The following TMEM117 variants were observed in gnomAD, a reference collection of about 807,000 sequenced individuals.
TMEM117 encodes the protein transmembrane protein 117.
Under a neutral mutation model 52.4 loss-of-function variants are expected in TMEM117, and 27 were observed. The observed-to-expected ratio is 0.51, with a 90% CI of 0.38 to 0.71. The LOEUF (loss-of-function observed/expected upper bound fraction) is 0.71. TMEM117 is among the 30% of genes least tolerant of loss of function. The pLI, the probability that TMEM117 is intolerant of heterozygous loss-of-function variation, is 0.00. For synonymous variants in TMEM117, 215 were observed against 206.3 expected, an observed-to-expected ratio of 1.04 and a Z score of -0.36; for missense variants, 556 against 630.5, an observed-to-expected ratio of 0.88 and a Z score of 1.26.
chr12:44,338,268 A>G (rs1261150487), intron 6 of TMEM117, among the ~76,000 whole-genome samples: 2 of 152,222 alleles, frequency 1.3e-5, no homozygotes, highest in Non-Finnish European at 2.9e-5. Context: ...TAAAAATGTT[A>G]ATAAATAAAT....
chr12:43,836,137 G>C lies in TMEM117; in HGVS notation c.-88G>C, dbSNP rs1943023187. On this transcript the variant is annotated 5_prime_UTR_variant, in exon 1 of 8. Transcript: ENST00000266534. ...CCCAGCGAGGCCGCCGGCGCGCCGA[G>C]GGCTGTGCTCGACCGCGAATCCCGT... 1 of 152,078 alleles carries C rather than the reference G, an allele frequency of 6.6e-6. No individual in the cohort carries two copies. The highest frequency in any genetic ancestry group is 6.6e-5 in the Admixed American group (1 of 15,262). The allele number at this position is 152,078 out of a possible 1,614,324, so 9.4% of individuals were successfully genotyped here.
intron 5 of TMEM117, among the ~76,000 whole-genome samples, chr12:44,275,780 G>A (rs1043432163): frequency 3.3e-5 from 5 of 151,932 alleles, no homozygotes; most frequent in Admixed American, 2.6e-4. Flanking sequence ...GAGAGTAGAA[G>A]GATGGTTACC....
chr12:44,031,386 T>A (rs1946630390), intron 3 of TMEM117, among the ~76,000 whole-genome samples: 1 of 152,188 alleles, frequency 6.6e-6, no homozygotes. Context: ...TTGTCTTGTT[T>A]TGGTCCTCTT....
intron 4 of TMEM117, among the ~76,000 whole-genome samples, chr12:44,182,425 C>G (rs1017015476): frequency 4.6e-5 from 7 of 152,172 alleles, no homozygotes; most frequent in African/African-American, 1.4e-4. Flanking sequence ...GCATCCCTGT[C>G]TTGTGCACAG....
intron 2 of TMEM117, among the ~76,000 whole-genome samples, chr12:43,934,576 G>C (rs1944920677): frequency 6.6e-6 from 1 of 151,964 alleles, no homozygotes; most frequent in South Asian, 2.1e-4. Context: ...TATTCATGCT[G>C]TTTCTAACCA....
intron 2 of TMEM117, among the ~76,000 whole-genome samples, chr12:43,876,240 G>T (rs1943792756): frequency 6.6e-6 from 1 of 152,154 alleles, no homozygotes; most frequent in South Asian, 2.1e-4. Context: ...ATCTAGGATT[G>T]TTCAGGTGTG....
chr12:44,167,749 TTTG>T (rs1198659130), intron 4 of TMEM117, among the ~76,000 whole-genome samples: 2 of 152,190 alleles, frequency 1.3e-5, no homozygotes, highest in Non-Finnish European at 2.9e-5. Flanking sequence ...GTTGCTTAGC[TTTG>T]TTGAGTCTTA....
chr12:44,299,864 G>A (rs2138641677), intron 6 of TMEM117, 125 bp downstream of exon 6: 1 of 1,213,722 alleles, frequency 8.2e-7, no homozygotes, highest in African/African-American at 1.5e-5. Context: ...TTTTGATGGG[G>A]CCTTCTCTGT....
chr12:43,814,467 C>G, the TMEM117 span, among the ~76,000 whole-genome samples: 7,594 of 152,242 alleles, frequency 0.05, 256 homozygotes, highest in Middle Eastern at 0.14. Context: ...CCTGCTCGTC[C>G]TGGCCCTCTG....
intron 3 of TMEM117, among the ~76,000 whole-genome samples, chr12:44,126,976 T>C (rs1592540472): frequency 6.6e-6 from 1 of 152,216 alleles, no homozygotes; most frequent in Non-Finnish European, 1.5e-5. Context: ...TATGAACTCA[T>C]GGAAACTGAG....
intron 6 of TMEM117, among the ~76,000 whole-genome samples, chr12:44,359,060 T>A (rs1951688128): frequency 1.3e-5 from 2 of 152,302 alleles, no homozygotes; most frequent in African/African-American, 4.8e-5. Flanking sequence ...TGATATTATA[T>A]CCCCTTTGAA....
intron 3 of TMEM117, among the ~76,000 whole-genome samples, chr12:44,044,591 C>G (rs767395493): frequency 3.3e-5 from 5 of 152,214 alleles, no homozygotes; most frequent in Non-Finnish European, 5.9e-5. Context: ...CCACTCCTGC[C>G]ACCCTGCCTT....
At chr12:43,871,293 G>A (rs1199422870) in intron 2 of TMEM117, among the ~76,000 whole-genome samples, 2 of 150,674 alleles carry the variant, frequency 1.3e-5, no homozygotes, top group Non-Finnish European at 3.0e-5. Context: ...TAGTAGAGAT[G>A]GGGTTTTGCC....
intron 6 of TMEM117, among the ~76,000 whole-genome samples, chr12:44,307,333 T>A (rs1173465904): frequency 6.6e-6 from 1 of 152,252 alleles, no homozygotes; most frequent in African/African-American, 2.4e-5. Context: ...TTTGTTTAAA[T>A]GTTTGTCCAC....
At chr12:44,080,980 A>T (rs1472694830) in intron 3 of TMEM117, among the ~76,000 whole-genome samples, 1 of 150,116 alleles carries the variant, frequency 6.7e-6, no homozygotes, top group East Asian at 1.9e-4. Context: ...TTGATACAAG[A>T]TTGCATAATG....
chr12:43,896,656 A>G (rs1856348394), intron 2 of TMEM117, among the ~76,000 whole-genome samples: 1 of 151,652 alleles, frequency 6.6e-6, no homozygotes, highest in South Asian at 2.1e-4. Flanking sequence ...CTTCCTATAC[A>G]TGCTTTTGAC....
intron 4 of TMEM117, among the ~76,000 whole-genome samples, chr12:44,194,408 C>T (rs922134180): frequency 1.8e-4 from 27 of 152,112 alleles, no homozygotes; most frequent in Middle Eastern, 3.4e-3. Flanking sequence ...TGATTAGTTC[C>T]GTTTTGCTAA....
chr12:44,151,857 A>G (rs1449324453), intron 4 of TMEM117, among the ~76,000 whole-genome samples: 1 of 136,352 alleles, frequency 7.3e-6, no homozygotes, highest in Non-Finnish European at 1.5e-5. Flanking sequence ...AATATATAAT[A>G]TTATATTTAA....
intron 3 of TMEM117, among the ~76,000 whole-genome samples, chr12:44,101,255 A>G (rs766658514): frequency 1.3e-4 from 20 of 150,730 alleles, no homozygotes; most frequent in Non-Finnish European, 2.7e-4. Context: ...ACATAATCCT[A>G]TGTTGAAACC....
Sources: gnomAD v4.1 joint callset for allele counts (sites outside exome capture counted in the v4.1 genomes callset) on GRCh38, gnomAD v4.1.1 for gene constraint, MANE v1.5 for transcripts, NCBI Gene and HGNC (gene_info 2026-07-23, HGNC 2026-07-21) for gene names.